The following FAM178B variants were observed in gnomAD, a reference collection of about 807,000 sequenced individuals.
FAM178B encodes family with sequence similarity 178 member B, also known as protein FAM178B.
FAM178B carries 82 observed loss-of-function variants against 91.7 expected under a neutral mutation model. The observed-to-expected ratio is 0.89, with a 90% CI of 0.75 to 1.07. FAM178B has a LOEUF of 1.07. FAM178B is among the 50% of genes least tolerant of loss of function. The probability of loss-of-function intolerance (pLI) is 0.00; values close to 1 mark genes in which losing one functional copy is unlikely to be tolerated. For missense variants in FAM178B, 769 were observed against 846.7 expected (o/e 0.91, Z 1.14); for synonymous variants, 368 against 359.4 (o/e 1.02, Z -0.27).
At chr2:96,961,171 G>T (rs1362561117) in intron 5 of FAM178B, among the ~76,000 whole-genome samples, 1 of 152,220 alleles carries the variant, frequency 6.6e-6, no homozygotes, top group South Asian at 2.1e-4. Flanking sequence ...GGTGAAAACT[G>T]TCAGGACTTA....
At chr2:96,887,803 A>C (rs559602878) in intron 14 of FAM178B, among the ~76,000 whole-genome samples, 73 of 152,338 alleles carry the variant, frequency 4.8e-4, no homozygotes, top group African/African-American at 1.7e-3. Flanking sequence ...GTTAGGTTGG[A>C]AGCTGATGAG....
chr2:96,909,154 A>AAAAAAAAG (rs2081108103), intron 12 of FAM178B, among the ~76,000 whole-genome samples: 5 of 117,592 alleles, frequency 4.3e-5, no homozygotes, highest in Non-Finnish European at 7.8e-5. Context: ...AAAAAAAAAA[A>AAAAAAAAG]AAAAAAGAAA....
intron 1 of FAM178B, among the ~76,000 whole-genome samples, chr2:96,974,260 T>C (rs1311053353): frequency 6.6e-6 from 1 of 150,486 alleles, no homozygotes; most frequent in South Asian, 2.1e-4. Context: ...TGGACGCCTG[T>C]AGTCCCAGCT....
intron 13 of FAM178B, among the ~76,000 whole-genome samples, chr2:96,901,183 T>C (rs532815282): frequency 3.3e-5 from 5 of 150,786 alleles, no homozygotes; most frequent in East Asian, 3.9e-4. Flanking sequence ...TTTCTTTTTT[T>C]TTTTTTTTTT....
chr2:96,941,871 C>T (rs1248705596), intron 8 of FAM178B, among the ~76,000 whole-genome samples: 8 of 152,192 alleles, frequency 5.3e-5, no homozygotes, highest in Admixed American at 3.3e-4. Context: ...ACTAGGTTAA[C>T]GGACAGTCAT....
intron 3 of FAM178B, 57 bp downstream of exon 3, chr2:96,971,844 A>C (rs2082222518): frequency 7.0e-7 from 1 of 1,427,052 alleles, no homozygotes; most frequent in Non-Finnish European, 9.2e-7. Flanking sequence ...TGACTGTAAA[A>C]GGGTGGCTAA....
intron 8 of FAM178B, among the ~76,000 whole-genome samples, chr2:96,931,571 G>A (rs970100485): frequency 6.6e-6 from 1 of 152,142 alleles, no homozygotes; most frequent in Non-Finnish European, 1.5e-5. Context: ...TGTCAAGACT[G>A]GAGGCAGAAC....
intron 12 of FAM178B, among the ~76,000 whole-genome samples, chr2:96,906,366 C>T (rs896216967): frequency 4.6e-5 from 7 of 151,934 alleles, no homozygotes; most frequent in South Asian, 2.1e-4. Context: ...CAAGCCCGAC[C>T]GAAAATAATT....
intron 14 of FAM178B, among the ~76,000 whole-genome samples, chr2:96,888,779 C>A (rs772125428): frequency 4.6e-5 from 7 of 152,206 alleles, no homozygotes; most frequent in Non-Finnish European, 7.3e-5. Context: ...GAGGCCACAC[C>A]CTCTGCAGAA....
intron 1 of FAM178B, among the ~76,000 whole-genome samples, chr2:96,975,581 T>C (rs1179495957): frequency 6.6e-6 from 1 of 152,234 alleles, no homozygotes; most frequent in African/African-American, 2.4e-5. Flanking sequence ...AATTATTCTC[T>C]TCTAGCTATT....
chr2:96,962,428 CAAG>C (rs148749745), intron 5 of FAM178B, among the ~76,000 whole-genome samples: 3 of 15,412 alleles, frequency 1.9e-4, no homozygotes, highest in East Asian at 7.2e-4. Context: ...GACTTCGTCT[CAAG>C]AAAAAAAAAA....
chr2:96,898,367 G>GTAC (rs2080862401), intron 13 of FAM178B, among the ~76,000 whole-genome samples: 1 of 152,140 alleles, frequency 6.6e-6, no homozygotes, highest in Non-Finnish European at 1.5e-5. Context: ...TTTAATCTCA[G>GTAC]CTCTAGGCGG....
chr2:96,958,171 C>A (rs2082027268), intron 6 of FAM178B, among the ~76,000 whole-genome samples: 1 of 151,478 alleles, frequency 6.6e-6, no homozygotes, highest in Non-Finnish European at 1.5e-5. Flanking sequence ...CGGATTCATG[C>A]CTATTCTCCT....
chr2:96,878,288 CCT>C, intron 15 of FAM178B, 126 bp downstream of exon 15: 1 of 947,746 alleles, frequency 1.1e-6, no homozygotes. Context: ...CGCTGGCTTC[CCT>C]CTCAGCCTCC....
At chr2:96,909,493 C>A (rs1460184448) in intron 12 of FAM178B, among the ~76,000 whole-genome samples, 1 of 152,172 alleles carries the variant, frequency 6.6e-6, no homozygotes, top group Non-Finnish European at 1.5e-5. Flanking sequence ...GTGCCACAGC[C>A]CCCTCATTCC....
At chr2:96,960,183 C>T in intron 6 of FAM178B, 105 bp downstream of exon 6, 1 of 1,297,894 alleles carries the variant, frequency 7.7e-7, no homozygotes, top group East Asian at 2.6e-5. Flanking sequence ...GGCCTGATCA[C>T]CTCTTCGAAC....
intron 12 of FAM178B, among the ~76,000 whole-genome samples, chr2:96,914,324 G>A (rs1371224667): frequency 3.3e-5 from 5 of 152,196 alleles, no homozygotes; most frequent in African/African-American, 9.7e-5. Context: ...ATGAGAAGGG[G>A]GGAGTCTCCT....
chr2:96,941,175 G>A (rs186697224), intron 8 of FAM178B, among the ~76,000 whole-genome samples: 2 of 152,360 alleles, frequency 1.3e-5, no homozygotes, highest in Non-Finnish European at 1.5e-5. Flanking sequence ...GTACTTGGGA[G>A]GAGGAAGTGG....
In FAM178B at chr2:96,894,185, T is replaced by G. The variant is rs1221672377; in HGVS notation, c.1651-134A>C. 4.1e-6 allele frequency: 4 copies of G among 974,282 alleles called. No homozygotes were observed. The Admixed American group carries it at 9.8e-5, about 24-fold the overall frequency. The allele number at this position is 974,282 out of a possible 1,614,324, so 60.4% of individuals were successfully genotyped here. ...CTGGCTTCTGAGACACAGACCCACC[T>G]CTACCTTATGAACTGTGGCCTCTCG... is the stretch of plus-strand genomic sequence containing the variant. On this transcript the variant is annotated intron_variant, in intron 13 of 16. Transcript: ENST00000490605.
Sources: gnomAD v4.1 joint callset for allele counts (sites outside exome capture counted in the v4.1 genomes callset) on GRCh38, gnomAD v4.1.1 for gene constraint, MANE v1.5 for transcripts, NCBI Gene and HGNC (gene_info 2026-07-23, HGNC 2026-07-21) for gene names.